Variants in PPP2R5C observed in about 807,000 individuals in gnomAD.
PPP2R5C encodes the protein protein phosphatase 2 regulatory subunit B'gamma, also known as serine/threonine-protein phosphatase 2A 56 kDa regulatory subunit gamma isoform.
Under a neutral mutation model 68.9 loss-of-function variants are expected in PPP2R5C, and 7 were observed. The ratio of observed to expected loss-of-function variants is 0.10; its 90% confidence interval spans 0.06 to 0.19. The LOEUF (loss-of-function observed/expected upper bound fraction) is 0.19. Ranked by LOEUF, PPP2R5C falls within the 10% of genes least tolerant of loss-of-function variation. The pLI is 1.00. For synonymous variants in PPP2R5C, 210 were observed against 222.2 expected (o/e 0.95, Z 0.49); for missense variants, 348 against 641.3 (o/e 0.54, Z 4.94).
intron 1 of PPP2R5C, chr14:101,836,332 C>G: frequency 2.8e-6 from 2 of 702,468 alleles, no homozygotes; most frequent in South Asian, 3.0e-5. Context: ...GCCCTTCTTC[C>G]TCTACTCCCG....
chr14:101,886,940 G>A (rs2044563024), intron 5 of PPP2R5C, among the ~76,000 whole-genome samples: 1 of 152,088 alleles, frequency 6.6e-6, no homozygotes, highest in Admixed American at 6.5e-5. Context: ...TCACTGTGTT[G>A]CCCAGGCTGG....
At chr14:101,861,327 A>G (rs1308231239) in intron 2 of PPP2R5C, among the ~76,000 whole-genome samples, 2 of 152,236 alleles carry the variant, frequency 1.3e-5, no homozygotes, top group African/African-American at 4.8e-5. Flanking sequence ...TTCTCATCCA[A>G]ATCAGGGGAT....
At chr14:101,870,427 A>G (rs534936785) in intron 2 of PPP2R5C, among the ~76,000 whole-genome samples, 36 of 152,302 alleles carry the variant, frequency 2.4e-4, no homozygotes, top group African/African-American at 7.9e-4. Context: ...ATGAATATCC[A>G]TTGAACTGCT....
intron 1 of PPP2R5C, among the ~76,000 whole-genome samples, chr14:101,817,191 C>T (rs763978905): frequency 1.3e-5 from 2 of 151,812 alleles, no homozygotes; most frequent in Non-Finnish European, 1.5e-5. Flanking sequence ...CTCCTGACCT[C>T]GTGTTCCACC....
At chr14:101,909,554 G>A (rs759706625) in intron 10 of PPP2R5C, 35 bp from the exon 13 acceptor site, 8 of 1,455,226 alleles carry the variant, frequency 5.5e-6, no homozygotes, top group South Asian at 2.3e-5. Context: ...GCAGGAATGC[G>A]TGCTCCCAGG....
At chr14:101,807,834 C>G (rs1316218490), upstream of PPP2R5C, among the ~76,000 whole-genome samples, 1 of 151,708 alleles carries the variant, frequency 6.6e-6, no homozygotes, top group African/African-American at 2.4e-5. Flanking sequence ...TTCACTGTTT[C>G]TTTGACTCCT....
Position 101,899,587 on chromosome 14 carries a change from C to T in PPP2R5C, c.853-2132C>T, listed in dbSNP as rs1195403328. On this transcript the variant is annotated intron_variant, in intron 8 of 13. Coordinates refer to ENST00000334743, the Ensembl canonical transcript of PPP2R5C. This position sits in a 1 kb window ranked among gnomAD's most constrained non-coding sequence, Gnocchi z 4.2. ...CCGATCCCAGAAATGATACCTTTTCCAGAGAAATGGAATAGCTAAATCGGT... is the reference window on the plus strand; with the variant it reads ...CCGATCCCAGAAATGATACCTTTTCTAGAGAAATGGAATAGCTAAATCGGT... Among the ~76,000 whole-genome samples, 1 of 152,202 alleles carries T rather than the reference C, an allele frequency of 6.6e-6. No homozygotes were observed. The highest frequency in any genetic ancestry group is 1.9e-4 in the East Asian group (1 of 5,190).
In PPP2R5C at chr14:101,784,044, C is replaced by T. The variant is rs188208310; in HGVS notation, c.94-1974C>T. ...GATTGACAGATGTCAAGCTCAGAGC[C>T]CAAGAAAGTACCTTTTGAGGAAAAA... On this transcript the variant is annotated intron_variant, in intron 2 of 14. Transcript: ENST00000328724. Among the ~76,000 whole-genome samples, 14 of 152,164 alleles carry T rather than the reference C, an allele frequency of 9.2e-5. No individual in the cohort carries two copies. The East Asian group carries it at 2.7e-3, about 29-fold the overall frequency.
upstream of PPP2R5C, among the ~76,000 whole-genome samples, chr14:101,807,110 T>G (rs1346297754): frequency 1.5e-4 from 22 of 151,724 alleles, no homozygotes; most frequent in East Asian, 3.7e-3. Context: ...TTTGGGGGGG[T>G]GGTTTTGATT....
chr14:101,856,570 TC>T, intron 1 of PPP2R5C, 115 bp from the exon 4 acceptor site: 1 of 981,900 alleles, frequency 1.0e-6, no homozygotes, highest in Non-Finnish European at 1.5e-6. Context: ...CCCACCCATC[TC>T]CTTTTTTCTT....
rs2044640956 is a variant in PPP2R5C, at chr14:101,888,097, A to G, written c.630-2140A>G. Among the ~76,000 whole-genome samples, 1 of 152,200 alleles carries G rather than the reference A, an allele frequency of 6.6e-6. No homozygotes were observed. Among genetic ancestry groups the G allele is most frequent in the Non-Finnish European group, 1.5e-5 (1 of 68,034 alleles). ...AGAATGTAGTAATGTTGATTTAGGAAAACAAAATGGCTTATAACTGCAAGC... is the reference window on the plus strand; with the variant it reads ...AGAATGTAGTAATGTTGATTTAGGAGAACAAAATGGCTTATAACTGCAAGC... On this transcript the variant is annotated intron_variant, in intron 5 of 13. Coordinates refer to ENST00000334743, the Ensembl canonical transcript of PPP2R5C. This position sits in a 1 kb window ranked among gnomAD's most constrained non-coding sequence, Gnocchi z 5.6.
chr14:101,814,169 TTGAA>T (rs775499502), intron 1 of PPP2R5C, among the ~76,000 whole-genome samples: 3 of 152,244 alleles, frequency 2.0e-5, no homozygotes, highest in Non-Finnish European at 4.4e-5. Context: ...GGAAAAATGT[TTGAA>T]TGATGACTAA....
chr14:101,780,061 C>T (rs1468673897), intron 2 of PPP2R5C, among the ~76,000 whole-genome samples: 1 of 152,210 alleles, frequency 6.6e-6, no homozygotes, highest in Non-Finnish European at 1.5e-5. Flanking sequence ...GCATGGCCCT[C>T]TCTTCACACT....
intron 5 of PPP2R5C, among the ~76,000 whole-genome samples, chr14:101,889,017 A>AG (rs1240254633): frequency 6.6e-6 from 1 of 152,192 alleles, no homozygotes; most frequent in Non-Finnish European, 1.5e-5. Context: ...ATATAAAAAA[A>AG]AAAAATCTGT....
chr14:101,863,068 G>A (rs956135727), intron 2 of PPP2R5C, among the ~76,000 whole-genome samples: 1 of 152,124 alleles, frequency 6.6e-6, no homozygotes, highest in African/African-American at 2.4e-5. Context: ...AACACTTTGG[G>A]AGGCCAAGGC....
chr14:101,830,251 A>C (rs1336363561), intron 1 of PPP2R5C, among the ~76,000 whole-genome samples: 1 of 152,240 alleles, frequency 6.6e-6, no homozygotes, highest in African/African-American at 2.4e-5. Flanking sequence ...CTCATGTTTT[A>C]CAGCCCATAT....
At chr14:101,824,120 A>T (rs1408914252) in intron 1 of PPP2R5C, 5 of 1,288,000 alleles carry the variant, frequency 3.9e-6, no homozygotes, top group Non-Finnish European at 4.0e-6. Context: ...ATCCCGAGAG[A>T]TTCATGTTCA....
chr14:101,781,073 G>A lies in PPP2R5C; in HGVS notation c.94-4945G>A, dbSNP rs1419743128. 6.6e-6 allele frequency among the ~76,000 whole-genome samples: 1 copy of A among 151,990 alleles called. No homozygotes were observed. Among genetic ancestry groups the A allele is most frequent in the Non-Finnish European group, 1.5e-5 (1 of 67,984 alleles). On this transcript the variant is annotated intron_variant, in intron 2 of 14. Coordinates refer to the PPP2R5C transcript ENST00000328724. The surrounding 1 kb of genome is among the most constrained non-coding windows in gnomAD (Gnocchi z 6.4). ...CGCTCCCCAGCCTTCCTCCCTAGCC[G>A]TCTCCCTCCAGCTACAGGTGCCTTG...
intron 13 of PPP2R5C, among the ~76,000 whole-genome samples, chr14:101,919,883 C>A (rs1022978698): frequency 1.4e-5 from 2 of 146,416 alleles, no homozygotes; most frequent in Non-Finnish European, 3.0e-5. Context: ...GCAGGAGAAT[C>A]GCTTGAACCT....
Sources: allele counts gnomAD v4.1 joint callset (sites outside exome capture counted in the v4.1 genomes callset), GRCh38; gene constraint gnomAD v4.1.1; non-coding constraint Gnocchi (gnomAD v3.1); transcripts MANE v1.5; gene names NCBI Gene and HGNC (gene_info 2026-07-23, HGNC 2026-07-21).